SORCS3: variants seen among roughly 807,000 people sequenced by gnomAD.
The protein encoded by SORCS3 is sortilin related VPS10 domain containing receptor 3, also known as VPS10 domain-containing receptor SorCS3.
Under a neutral mutation model 146.3 loss-of-function variants are expected in SORCS3, and 57 were observed. The observed-to-expected ratio is 0.39, with a 90% CI of 0.31 to 0.49. The LOEUF (loss-of-function observed/expected upper bound fraction) is 0.49, where lower values mean the gene tolerates loss of function less well. Ranked by LOEUF, SORCS3 falls within the 20% of genes least tolerant of loss-of-function variation. The pLI is 0.92. For synonymous variants in SORCS3, 653 were observed against 618.5 expected (o/e 1.06, Z -0.83); for missense variants, 1,341 against 1,575.5 (o/e 0.85, Z 2.52).
chr10:104,653,845 A>G (rs993949086), intron 1 of SORCS3, among the ~76,000 whole-genome samples: 2 of 152,162 alleles, frequency 1.3e-5, no homozygotes, highest in African/African-American at 4.8e-5. Context: ...AAAATGTACA[A>G]TTAAAATTAT....
intron 3 of SORCS3, among the ~76,000 whole-genome samples, chr10:104,969,425 A>G (rs1324509112): frequency 2.6e-5 from 4 of 151,804 alleles, no homozygotes; most frequent in African/African-American, 9.7e-5. Flanking sequence ...CCTGAGCCTC[A>G]GTTTCCTTAT....
At chr10:104,912,300 T>G (rs1473428971) in intron 2 of SORCS3, among the ~76,000 whole-genome samples, 1 of 152,170 alleles carries the variant, frequency 6.6e-6, no homozygotes, top group African/African-American at 2.4e-5. Flanking sequence ...CCTTCAAGAG[T>G]GTAGAATTAA....
chr10:104,761,736 G>A (rs151211148), intron 1 of SORCS3, among the ~76,000 whole-genome samples: 4 of 152,228 alleles, frequency 2.6e-5, no homozygotes, highest in African/African-American at 9.6e-5. Flanking sequence ...TGTCATTGAA[G>A]TGAGAAAATG....
chr10:105,119,626 T>C (rs1470306670), intron 7 of SORCS3, among the ~76,000 whole-genome samples: 1 of 152,184 alleles, frequency 6.6e-6, no homozygotes, highest in Non-Finnish European at 1.5e-5. Context: ...GCCCACCTCC[T>C]GCATCAACAT....
At chr10:105,149,568 G>T (rs1045944530) in intron 9 of SORCS3, among the ~76,000 whole-genome samples, 5 of 152,080 alleles carry the variant, frequency 3.3e-5, no homozygotes, top group African/African-American at 1.2e-4. Context: ...CTTGTTTGAG[G>T]GTTTGGATTA....
At chr10:105,011,853 C>A (rs2055137877) in intron 4 of SORCS3, among the ~76,000 whole-genome samples, 1 of 152,162 alleles carries the variant, frequency 6.6e-6, no homozygotes, top group Non-Finnish European at 1.5e-5. Context: ...AAACCCTTCC[C>A]ATTGTGAAGC....
intron 6 of SORCS3, among the ~76,000 whole-genome samples, chr10:105,091,518 G>A (rs1361269951): frequency 5.3e-5 from 2 of 37,844 alleles, no homozygotes; most frequent in Non-Finnish European, 1.0e-4. Flanking sequence ...TCCTTCCTTC[G>A]TTCCTTCCTT....
Position 104,977,600 on chromosome 10 carries a change from C to T in SORCS3, c.954+107C>T. 9 of 1,026,450 alleles carry T rather than the reference C, an allele frequency of 8.8e-6. No homozygotes were observed. In the South Asian group the frequency reaches 9.6e-5, roughly 11 times the overall value. The allele number at this position is 1,026,450 out of a possible 1,614,324, so 63.6% of individuals were successfully genotyped here. On this transcript the variant is annotated intron_variant, in intron 4 of 26. Transcript: ENST00000369701. ...TGGAGGGAATTCAGTGACATTTCATCATTCCAACCCAAATCATTTCATCAT... is the reference window on the plus strand; with the variant it reads ...TGGAGGGAATTCAGTGACATTTCATTATTCCAACCCAAATCATTTCATCAT...
intron 4 of SORCS3, among the ~76,000 whole-genome samples, chr10:104,988,371 T>C (rs1050192909): frequency 3.3e-5 from 5 of 152,332 alleles, no homozygotes; most frequent in Middle Eastern, 3.4e-3. Flanking sequence ...GTGGTTCTTA[T>C]GGCATATTTC....
At chr10:105,082,507 T>G (rs1053400636) in intron 5 of SORCS3, among the ~76,000 whole-genome samples, 4 of 152,232 alleles carry the variant, frequency 2.6e-5, no homozygotes, top group Non-Finnish European at 5.9e-5. Context: ...TTAATTCTTC[T>G]AACTCTATGA....
At chr10:105,025,301 A>C (rs2055221290) in intron 4 of SORCS3, among the ~76,000 whole-genome samples, 1 of 152,198 alleles carries the variant, frequency 6.6e-6, no homozygotes, top group South Asian at 2.1e-4. Flanking sequence ...ATCAGCTGGT[A>C]GAATGAATGA....
chr10:105,134,660 G>A (rs78650819), intron 7 of SORCS3, among the ~76,000 whole-genome samples: 1,619 of 152,004 alleles, frequency 0.011, 32 homozygotes, highest in African/African-American at 0.036. Flanking sequence ...CCTCTTGAAC[G>A]GCCCCAACTC....
chr10:104,846,075 G>A (rs553206772), intron 2 of SORCS3, among the ~76,000 whole-genome samples: 3 of 152,266 alleles, frequency 2.0e-5, no homozygotes, highest in East Asian at 1.9e-4. Context: ...TGGGTTTTCC[G>A]TGTTGACCAA....
chr10:104,866,837 A>G (rs1038208244), intron 2 of SORCS3, among the ~76,000 whole-genome samples: 1 of 152,156 alleles, frequency 6.6e-6, no homozygotes, highest in Non-Finnish European at 1.5e-5. Context: ...GGGTATGTCA[A>G]TTTTGAACAG....
At position 104,915,964 on chromosome 10, in the gene SORCS3, T is replaced by A. The variant is rs761036571; in HGVS notation, c.795+32T>A. 7 of 1,522,540 alleles carry A rather than the reference T, an allele frequency of 4.6e-6. No individual in the cohort carries two copies. In the South Asian group the frequency reaches 5.6e-5, roughly 12 times the overall value. 94.3% of individuals were successfully genotyped at this position (1,522,540 alleles called of 1,614,324 possible). ...GACTGGGTCAGTAGGTCCTGAGCAC[T>A]CCTGCTGGGTAGCTGTGCTGATTAG... On this transcript the variant is annotated intron_variant, in intron 3 of 26. Transcript: ENST00000369701.
At chr10:105,142,092 G>A (rs759332735) in intron 8 of SORCS3, among the ~76,000 whole-genome samples, 50 of 152,064 alleles carry the variant, frequency 3.3e-4, no homozygotes, top group Non-Finnish European at 5.9e-4. Context: ...ACTCAATATT[G>A]CCTTAAACCC....
chr10:105,145,357 A>T (rs2056123485), intron 8 of SORCS3, among the ~76,000 whole-genome samples: 1 of 152,114 alleles, frequency 6.6e-6, no homozygotes, highest in African/African-American at 2.4e-5. Context: ...ATCTTACTCC[A>T]GAGCCTGGAG....
intron 2 of SORCS3, among the ~76,000 whole-genome samples, chr10:104,915,172 A>T (rs1246865676): frequency 6.6e-6 from 1 of 152,168 alleles, no homozygotes; most frequent in African/African-American, 2.4e-5. Flanking sequence ...AGGAGCAGGT[A>T]GCCAGCAGGA....
chr10:104,715,526 T>A (rs1487342570), intron 1 of SORCS3, among the ~76,000 whole-genome samples: 1 of 152,192 alleles, frequency 6.6e-6, no homozygotes, highest in African/African-American at 2.4e-5. Flanking sequence ...CGTGAGCCAA[T>A]TCTCATAATA....
Sources: gnomAD v4.1 joint callset for allele counts (sites outside exome capture counted in the v4.1 genomes callset) on GRCh38, gnomAD v4.1.1 for gene constraint, MANE v1.5 for transcripts, NCBI Gene and HGNC (gene_info 2026-07-23, HGNC 2026-07-21) for gene names.